CELSR1: variants seen among roughly 807,000 people sequenced by gnomAD.
The protein encoded by CELSR1 is adhesion G protein-coupled receptor C1.
In CELSR1, 110 loss-of-function variants were observed where a neutral mutation model predicts 249.1. That is an observed-to-expected ratio of 0.44 (90% CI 0.38 to 0.52). CELSR1 has a LOEUF of 0.52. Among genes scored for constraint, CELSR1 ranks in the 20% least tolerant of loss-of-function variants. CELSR1 has a pLI of 0.00. For missense variants in CELSR1, 4,109 were observed against 4,296.4 expected, an observed-to-expected ratio of 0.96 and a Z score of 1.22; for synonymous variants, 2,113 against 1,900.0, an observed-to-expected ratio of 1.11 and a Z score of -2.92.
intron 1 of CELSR1, among the ~76,000 whole-genome samples, chr22:46,531,909 T>C (rs1306478659): frequency 6.6e-6 from 1 of 151,784 alleles, no homozygotes. Context: ...TACACGAGAG[T>C]ACGAGTGTGT....
intron 5 of CELSR1, among the ~76,000 whole-genome samples, chr22:46,420,666 T>C (rs1051863323): frequency 6.6e-6 from 1 of 152,140 alleles, no homozygotes; most frequent in African/African-American, 2.4e-5. Context: ...CACATGCTCA[T>C]ACAAAGTCAT....
chr22:46,449,537 A>G (rs1054375594), intron 2 of CELSR1, among the ~76,000 whole-genome samples: 1 of 152,056 alleles, frequency 6.6e-6, no homozygotes, highest in African/African-American at 2.4e-5. Flanking sequence ...TCAGCTGCCC[A>G]CCTGTCCCTC....
chr22:46,437,984 A>C lies in CELSR1; in HGVS notation c.4406+1205T>G, dbSNP rs1292312213. On this transcript the variant is annotated intron_variant, in intron 3 of 34. Transcript: ENST00000674500. The surrounding 1 kb of genome is among the most constrained non-coding windows in gnomAD (Gnocchi z 4.9). ...TACCTGATTGCCTTTGGTGGGTTTC[A>C]CTTCTGTGCGGTTCCCTTTGGACCC... Among the ~76,000 whole-genome samples, 1 of 152,110 alleles carries C rather than the reference A, an allele frequency of 6.6e-6. No homozygotes were observed. The highest frequency in any genetic ancestry group is 1.5e-5 in the Non-Finnish European group (1 of 68,028).
At chr22:46,365,004 A>G (rs1164146335) in intron 32 of CELSR1, among the ~76,000 whole-genome samples, 3 of 152,194 alleles carry the variant, frequency 2.0e-5, no homozygotes, top group Non-Finnish European at 4.4e-5. Context: ...GACAGTCCAC[A>G]GAGACCCCCC....
In CELSR1 at chr22:46,429,742, T is replaced by C. The variant is rs2090472353; in HGVS notation, c.4611+3651A>G. Among the ~76,000 whole-genome samples the C allele has an allele frequency of 6.6e-6, 1 of 152,148 alleles. No homozygotes were observed. The highest frequency in any genetic ancestry group is 6.5e-5 in the Admixed American group (1 of 15,284). On this transcript the variant is annotated intron_variant, in intron 5 of 34. Coordinates refer to ENST00000674500, the MANE Select transcript of CELSR1 (RefSeq NM_001378328.1). The surrounding 1 kb of genome is among the most constrained non-coding windows in gnomAD (Gnocchi z 4.1). Reference sequence around the variant, plus strand: ...GGAGGGGTGTCAGGAGGGTCCCTGGTTAGCTGTGCCCCTCCTGGGTGGTCC... The same window carrying C: ...GGAGGGGTGTCAGGAGGGTCCCTGGCTAGCTGTGCCCCTCCTGGGTGGTCC...
At chr22:46,507,927 C>T (rs1369095064) in intron 1 of CELSR1, among the ~76,000 whole-genome samples, 11 of 152,182 alleles carry the variant, frequency 7.2e-5, no homozygotes, top group Non-Finnish European at 1.2e-4. Context: ...CCACCTCAGC[C>T]GTCCTGTGCC....
chr22:46,497,585 AAG>A (rs1263005170), intron 1 of CELSR1, among the ~76,000 whole-genome samples: 14 of 152,168 alleles, frequency 9.2e-5, no homozygotes, highest in Non-Finnish European at 1.5e-5. Flanking sequence ...CTTCTTTTAG[AAG>A]GACTTGCCAT....
At position 46,361,785 on chromosome 22, in the gene CELSR1, A is replaced by G. The variant is rs935083477; in HGVS notation, c.*1438T>C. On this transcript the variant is annotated 3_prime_UTR_variant, in exon 35 of 35. Transcript: ENST00000674500. ...TATTTTATGGTTTCTCCTATTTGGAAGCAGCTGTGCTGATCACTTATTTGG... is the reference window on the plus strand; with the variant it reads ...TATTTTATGGTTTCTCCTATTTGGAGGCAGCTGTGCTGATCACTTATTTGG... 2 of 152,248 alleles carry G rather than the reference A, an allele frequency of 1.3e-5. No homozygotes were observed. The highest frequency in any genetic ancestry group is 4.8e-5 in the African/African-American group (2 of 41,460). 9.4% of individuals were successfully genotyped at this position (152,248 alleles called of 1,614,324 possible). A position where few individuals can be genotyped will look rare whatever the true frequency, so the allele number is the denominator to read the frequency against.
At position 46,409,641 on chromosome 22, in the gene CELSR1, C is replaced by T. The variant is rs1436965716; in HGVS notation, c.5059+114G>A. On this transcript the variant is annotated intron_variant, in intron 8 of 34. Transcript: ENST00000674500. This position sits in a 1 kb window ranked among gnomAD's most constrained non-coding sequence, Gnocchi z 9.8. ...TCCACAGTAAATGCAGCATATACCA[C>T]CAGAGGCTGCCGGACCTGGATGTGA... 1.5e-6 allele frequency: 2 copies of T among 1,304,342 alleles called. No homozygotes were observed. The highest frequency in any genetic ancestry group is 1.1e-6 in the Non-Finnish European group (1 of 926,460). 80.8% of individuals were successfully genotyped at this position (1,304,342 alleles called of 1,614,324 possible).
intron 20 of CELSR1, among the ~76,000 whole-genome samples, chr22:46,382,839 T>C (rs1482702779): frequency 6.6e-6 from 1 of 152,124 alleles, no homozygotes; most frequent in African/African-American, 2.4e-5. Context: ...AGGAGGTCCC[T>C]AGAGGAGTCA....
intron 25 of CELSR1, 68 bp from the exon 26 acceptor site, chr22:46,369,872 C>T (rs776211008): frequency 2.9e-6 from 4 of 1,376,776 alleles, no homozygotes; most frequent in African/African-American, 1.4e-5. Flanking sequence ...TGCCAAGGAC[C>T]AGCCAGGGTG....
chr22:46,397,876 A>G lies in CELSR1; in HGVS notation c.5527-28T>C, dbSNP rs772882972. The G allele has an allele frequency of 6.7e-6, 10 of 1,496,342 alleles. No homozygotes were observed. In the East Asian group the frequency reaches 2.4e-4, roughly 37 times the overall value. 92.7% of individuals were successfully genotyped at this position (1,496,342 alleles called of 1,614,324 possible). On this transcript the variant is annotated intron_variant, in intron 11 of 34. Transcript: ENST00000674500. ...GCATTAAGTAAACGGCACTGGGGCT[A>G]CAGGAGCCCGGAAAGGTATGTAGGG...
At position 46,500,288 on chromosome 22, in the gene CELSR1, G is replaced by A. The variant is rs531106897; in HGVS notation, c.3544+33339C>T. ...TAACTGCGACAAAACCCTGGCGCCC[G>A]GTTTTCAGCACCGCGCTAGGTTTTA... On this transcript the variant is annotated intron_variant, in intron 1 of 34. Coordinates refer to ENST00000674500, the MANE Select transcript of CELSR1 (RefSeq NM_001378328.1). The surrounding 1 kb of genome is among the most constrained non-coding windows in gnomAD (Gnocchi z 4.9). 7.9e-5 allele frequency among the ~76,000 whole-genome samples: 12 copies of A among 152,284 alleles called. No individual in the cohort carries two copies. In the South Asian group the frequency reaches 1.2e-3, roughly 16 times the overall value.
rs139155596 is a variant in CELSR1, at chr22:46,413,287, C to T, written c.4612-1528G>A. 1.1e-3 allele frequency among the ~76,000 whole-genome samples: 173 copies of T among 152,302 alleles called. No individual in the cohort carries two copies. Among genetic ancestry groups the T allele is most frequent in the African/African-American group, 3.9e-3 (162 of 41,560 alleles). On this transcript the variant is annotated intron_variant, in intron 5 of 34. Coordinates refer to ENST00000674500, the MANE Select transcript of CELSR1 (RefSeq NM_001378328.1). The surrounding 1 kb of genome is among the most constrained non-coding windows in gnomAD (Gnocchi z 4.7). Reference sequence around the variant, plus strand: ...GAAAAGCAGGACACACAACTGGAAACAGGAGCTCAGCCAGATGGCCAAGTT... The same window carrying T: ...GAAAAGCAGGACACACAACTGGAAATAGGAGCTCAGCCAGATGGCCAAGTT...
At chr22:46,502,942 C>T (rs967734488) in intron 1 of CELSR1, among the ~76,000 whole-genome samples, 2 of 152,296 alleles carry the variant, frequency 1.3e-5, no homozygotes, top group South Asian at 4.1e-4. Context: ...AGTGTGCACC[C>T]CGGGAGCAGG....
intron 2 of CELSR1, among the ~76,000 whole-genome samples, chr22:46,453,799 C>G (rs1488529753): frequency 1.3e-5 from 2 of 152,160 alleles, no homozygotes; most frequent in African/African-American, 4.8e-5. Flanking sequence ...ACTGCCAGAC[C>G]CCCACCACAG....
chr22:46,363,904 G>GT lies in CELSR1; in HGVS notation c.9035+91dup. The GT allele has an allele frequency of 7.0e-7, 1 of 1,420,322 alleles. No individual in the cohort carries two copies. The highest frequency in any genetic ancestry group is 2.5e-5 in the East Asian group (1 of 39,288). 88.0% of individuals were successfully genotyped at this position (1,420,322 alleles called of 1,614,324 possible). ...GCACTCAGGGCTCCAGGTGAGGTGG[G>GT]TGTCAGGTCCCTGACCACTGCCCCC... On this transcript the variant is annotated intron_variant, in intron 34 of 34. Coordinates refer to ENST00000674500, the MANE Select transcript of CELSR1 (RefSeq NM_001378328.1). The surrounding 1 kb of genome is among the most constrained non-coding windows in gnomAD (Gnocchi z 4.3).
At chr22:46,369,428 C>T (rs1439034986) in intron 26 of CELSR1, among the ~76,000 whole-genome samples, 170 bp from the exon 27 acceptor site, 1 of 152,226 alleles carries the variant, frequency 6.6e-6, no homozygotes, top group Non-Finnish European at 1.5e-5. Context: ...CCCCACAGCG[C>T]CCACCACACC....
At position 46,363,972 on chromosome 22, in the gene CELSR1, G is replaced by A. The variant is rs375393384; in HGVS notation, c.9035+24C>T. 670 of 1,564,934 alleles carry A rather than the reference G, an allele frequency of 4.3e-4. 1 individual carries two copies. Among genetic ancestry groups the A allele is most frequent in the Non-Finnish European group, 5.3e-4 (611 of 1,156,808 alleles). ...GACAAGGGGGAAGTGGGTGATCCCC[G>A]CCCTGGAGGCCCAGGCTACTCACTC... On this transcript the variant is annotated intron_variant, in intron 34 of 34. Transcript: ENST00000674500. The surrounding 1 kb of genome is among the most constrained non-coding windows in gnomAD (Gnocchi z 4.3).
Sources: gnomAD v4.1 joint callset for allele counts (sites outside exome capture counted in the v4.1 genomes callset) on GRCh38, gnomAD v4.1.1 for gene constraint, Gnocchi (gnomAD v3.1) non-coding constraint, MANE v1.5 for transcripts, NCBI Gene and HGNC (gene_info 2026-07-23, HGNC 2026-07-21) for gene names.